Variants in SEMA6A observed in about 807,000 individuals in gnomAD.
The protein encoded by SEMA6A is semaphorin-6A.
In SEMA6A, 25 loss-of-function variants were observed where a neutral mutation model predicts 96.8. The observed-to-expected ratio is 0.26, with a 90% CI of 0.19 to 0.36. The LOEUF is 0.36. Ranked by LOEUF, SEMA6A falls within the 10% of genes least tolerant of loss-of-function variation. The pLI is 1.00. For missense variants in SEMA6A, 1,363 were observed against 1,323.1 expected, an observed-to-expected ratio of 1.03 and a Z score of -0.47; for synonymous variants, 612 against 518.0, an observed-to-expected ratio of 1.18 and a Z score of -2.46.
At chr5:116,449,129 G>A (rs1314932151) in intron 18 of SEMA6A, among the ~76,000 whole-genome samples, 3 of 152,164 alleles carry the variant, frequency 2.0e-5, no homozygotes, top group African/African-American at 7.2e-5. Flanking sequence ...TTAATACCAA[G>A]TGAGAATACA....
At chr5:116,499,218 A>C (rs1383638570) in intron 3 of SEMA6A, 1 of 152,192 alleles carries the variant, frequency 6.6e-6, no homozygotes, top group Non-Finnish European at 1.5e-5. Flanking sequence ...AGCAAATAAA[A>C]ATGGTGCTTT....
At chr5:116,517,634 G>T (rs530360603) in intron 1 of SEMA6A, among the ~76,000 whole-genome samples, 1 of 152,120 alleles carries the variant, frequency 6.6e-6, no homozygotes, top group Admixed American at 6.5e-5. Context: ...ACAAAGGACC[G>T]ACAAGAACAG....
rs749462030 is a variant in SEMA6A, at chr5:116,447,264, G to A, written c.2442C>T (p.Ser814=). The A allele has an allele frequency of 1.2e-4, 191 of 1,613,806 alleles. No individual in the cohort carries two copies. The highest frequency in any genetic ancestry group is 2.7e-4 in the Admixed American group (16 of 60,018). The change falls in exon 19 of 19, where the codon AGC becomes AGT. Residue 814 remains serine, a synonymous_variant. Transcript: ENST00000343348. ...GCTGCGTGATGGGCAGGACCACCAC[G>A]CTGGGGATGTGGCTGGGGGAGGCCC... ...PLRASPSHIP[S]VVVLPITQQG...
intron 18 of SEMA6A, among the ~76,000 whole-genome samples, chr5:116,448,158 C>A (rs866694491): frequency 9.4e-5 from 12 of 128,304 alleles, no homozygotes; most frequent in African/African-American, 3.4e-4. Flanking sequence ...ATGGTGAAAC[C>A]CCCGTCTCTA....
intron 16 of SEMA6A, among the ~76,000 whole-genome samples, chr5:116,474,939 A>C (rs954750712): frequency 6.6e-6 from 1 of 152,202 alleles, no homozygotes; most frequent in African/African-American, 2.4e-5. Context: ...TCCTTTACGT[A>C]AAGTTCTAAC....
Position 116,472,805 on chromosome 5 carries a change from T to G in SEMA6A, c.1729+268A>C, listed in dbSNP as rs1181492223. ...GTAACAAAGAATCTGGTCCATGATG[T>G]TTAGGAATGAAAACTATAAACTACT... On this transcript the variant is annotated intron_variant, in intron 17 of 18. Transcript: ENST00000343348. 7.4e-6 allele frequency: 8 copies of G among 1,082,302 alleles called. No individual in the cohort carries two copies. The African/African-American group carries it at 1.1e-4, about 15-fold the overall frequency. The allele number at this position is 1,082,302 out of a possible 1,614,324, so 67.0% of individuals were successfully genotyped here. A position where few individuals can be genotyped will look rare whatever the true frequency, so the allele number is the denominator to read the frequency against.
chr5:116,467,984 A>C, intron 17 of SEMA6A: 1 of 500,500 alleles, frequency 2.0e-6, no homozygotes, highest in Non-Finnish European at 3.6e-6. Context: ...CCTATCTCTC[A>C]TACTTGCTGG....
intron 18 of SEMA6A, among the ~76,000 whole-genome samples, chr5:116,465,854 CAA>C: frequency 6.6e-6 from 1 of 152,038 alleles, no homozygotes; most frequent in Non-Finnish European, 1.5e-5. Context: ...TGGGCAAAAA[CAA>C]AGTGATTTCT....
intron 17 of SEMA6A, chr5:116,468,958 T>C (rs1467212145): frequency 2.6e-5 from 4 of 152,174 alleles, no homozygotes; most frequent in Non-Finnish European, 4.4e-5. Flanking sequence ...GCATTCTTTT[T>C]TTTTTTTTAC....
At chr5:116,456,945 G>T (rs1015637126) in intron 18 of SEMA6A, among the ~76,000 whole-genome samples, 1 of 152,142 alleles carries the variant, frequency 6.6e-6, no homozygotes, top group Non-Finnish European at 1.5e-5. Flanking sequence ...AGAAACTCAC[G>T]AAGGTTCTTC....
intron 1 of SEMA6A, among the ~76,000 whole-genome samples, chr5:116,573,017 G>T (rs1761290358): frequency 6.6e-6 from 1 of 152,190 alleles, no homozygotes; most frequent in Admixed American, 6.5e-5. Context: ...CCGCTCCCTG[G>T]CTCCCCCCGT....
At chr5:116,569,903 G>A in intron 1 of SEMA6A, among the ~76,000 whole-genome samples, 1 of 152,162 alleles carries the variant, frequency 6.6e-6, no homozygotes, top group East Asian at 1.9e-4. Context: ...TACCCACTAA[G>A]CATTGGTTAT....
chr5:116,504,683 C>T (rs140073084), intron 2 of SEMA6A, among the ~76,000 whole-genome samples, 162 bp downstream of exon 2: 91 of 152,340 alleles, frequency 6.0e-4, no homozygotes, highest in Non-Finnish European at 1.0e-3. Flanking sequence ...ATAGAAAAAT[C>T]ATCCTATCAA....
intron 1 of SEMA6A, among the ~76,000 whole-genome samples, chr5:116,547,581 CTTTGT>C (rs1261962098): frequency 6.7e-6 from 1 of 148,296 alleles, no homozygotes; most frequent in Non-Finnish European, 1.5e-5. Flanking sequence ...GGTTAAAGGC[CTTTGT>C]TTTATCTATT....
chr5:116,503,431 A>G (rs1757989164), intron 2 of SEMA6A, among the ~76,000 whole-genome samples: 1 of 152,118 alleles, frequency 6.6e-6, no homozygotes, highest in Non-Finnish European at 1.5e-5. Context: ...GGAGATTGCT[A>G]AAACAACTCA....
intron 1 of SEMA6A, among the ~76,000 whole-genome samples, chr5:116,538,183 GCAAAA>G (rs71923662): frequency 0.051 from 7,801 of 151,668 alleles, 562 homozygotes; most frequent in African/African-American, 0.16. Flanking sequence ...CAAAAACAAA[GCAAAA>G]CAAAACAAAA....
At chr5:116,564,782 G>C (rs1216629058) in intron 1 of SEMA6A, among the ~76,000 whole-genome samples, 2 of 152,114 alleles carry the variant, frequency 1.3e-5, no homozygotes, top group East Asian at 3.9e-4. Flanking sequence ...AGTTGACAAA[G>C]CAGTAGACCT....
chr5:116,448,370 G>A (rs1326326794), intron 18 of SEMA6A, among the ~76,000 whole-genome samples: 2 of 151,854 alleles, frequency 1.3e-5, no homozygotes, highest in African/African-American at 4.8e-5. Context: ...GAAAAGTGCT[G>A]TTCACTCTTT....
intron 1 of SEMA6A, among the ~76,000 whole-genome samples, chr5:116,514,393 C>T (rs1758569351): frequency 6.6e-6 from 1 of 152,092 alleles, no homozygotes; most frequent in Non-Finnish European, 1.5e-5. Flanking sequence ...GAGCTTTCTT[C>T]CATGTTGCTG....
Sources: gnomAD v4.1 joint callset for allele counts (sites outside exome capture counted in the v4.1 genomes callset) on GRCh38, gnomAD v4.1.1 for gene constraint, MANE v1.5 for transcripts, NCBI Gene and HGNC (gene_info 2026-07-23, HGNC 2026-07-21) for gene names.